TP53BP1: variants seen among roughly 807,000 people sequenced by gnomAD.
TP53BP1 encodes the protein tumor protein p53 binding protein 1.
Under a neutral mutation model 200.8 loss-of-function variants are expected in TP53BP1, and 61 were observed. That is an observed-to-expected ratio of 0.30 (90% confidence interval 0.25 to 0.38). The LOEUF (loss-of-function observed/expected upper bound fraction) is 0.38. TP53BP1 is among the 10% of genes least tolerant of loss of function. The pLI is 1.00. For synonymous variants in TP53BP1, 822 were observed against 844.3 expected (o/e 0.97, Z 0.46); for missense variants, 2,144 against 2,371.9 (o/e 0.90, Z 2.00).
chr15:43,426,678 G>A (rs2045542184), intron 18 of TP53BP1, among the ~76,000 whole-genome samples: 1 of 151,822 alleles, frequency 6.6e-6, no homozygotes, highest in African/African-American at 2.4e-5. Flanking sequence ...TACACGGCCA[G>A]CAGATAGAAT....
intron 11 of TP53BP1, among the ~76,000 whole-genome samples, chr15:43,466,757 C>T (rs1384663932): frequency 6.6e-6 from 1 of 151,980 alleles, no homozygotes; most frequent in Non-Finnish European, 1.5e-5. Context: ...CTCAGGAGGC[C>T]GAGGTGGGAG....
rs1280487265 is a variant in TP53BP1, at chr15:43,441,539, C to T, written c.3085G>A (p.Glu1029Lys). 6.2e-7 allele frequency: 1 copy of T among 1,612,914 alleles called. No individual in the cohort carries two copies. The highest frequency in any genetic ancestry group is 1.3e-5 in the African/African-American group (1 of 74,884). ...AGCTTTGGTTACCTGGCAACAGACT[C>T]AGCAACAGCAGTAGATCCATTTTTT... ...ERKNGSTAVA[E>K]SVASPQKTMS... The change falls in exon 15 of 28, where the codon GAG (glutamate) becomes AAG (lysine). Residue 1029 changes from glutamate (E) to lysine (K), a missense_variant. Glu to Lys is a moderately conservative substitution (Grantham distance 56). Coordinates refer to ENST00000382044, the MANE Select transcript of TP53BP1 (RefSeq NM_001141980.3).
intron 10 of TP53BP1, among the ~76,000 whole-genome samples, chr15:43,473,198 C>G (rs1386744318): frequency 6.6e-6 from 1 of 152,096 alleles, no homozygotes; most frequent in African/African-American, 2.4e-5. Context: ...TGAGCAGTAG[C>G]AAGATTTATT....
chr15:43,415,260 T>G (rs1595524461), intron 23 of TP53BP1: 5 of 312,170 alleles, frequency 1.6e-5, no homozygotes, highest in Non-Finnish European at 2.5e-5. Context: ...CAGGCTGGAG[T>G]GCAATGGTGC....
intron 4 of TP53BP1, among the ~76,000 whole-genome samples, chr15:43,489,985 T>A (rs973270666): frequency 6.6e-6 from 1 of 152,168 alleles, no homozygotes; most frequent in Non-Finnish European, 1.5e-5. Context: ...CAATCACGGC[T>A]GACTGCAGCC....
rs574673843 is a variant in TP53BP1, at chr15:43,482,754, C to T, written c.372-1732G>A. Among the ~76,000 whole-genome samples the T allele has an allele frequency of 2.7e-4, 41 of 151,024 alleles. 1 individual carries two copies. Among genetic ancestry groups the T allele is most frequent in the East Asian group, 3.9e-4 (2 of 5,140 alleles). On this transcript the variant is annotated intron_variant, in intron 4 of 27. Transcript: ENST00000382044. ...CTGCACTCCAGCCTGGGAGACATGGCGAGACTCCGTCTCAAAAAAAAAAAA... is the reference window on the plus strand; with the variant it reads ...CTGCACTCCAGCCTGGGAGACATGGTGAGACTCCGTCTCAAAAAAAAAAAA...
At chr15:43,504,609 A>C (rs976454140) in intron 1 of TP53BP1, among the ~76,000 whole-genome samples, 4 of 152,200 alleles carry the variant, frequency 2.6e-5, no homozygotes, top group African/African-American at 9.7e-5. Context: ...AAATAAATAA[A>C]TCCTTAGATG....
chr15:43,444,723 GTATTAGCTAAAA>G (rs1282628751), intron 14 of TP53BP1, among the ~76,000 whole-genome samples: 1 of 152,144 alleles, frequency 6.6e-6, no homozygotes, highest in African/African-American at 2.4e-5. Flanking sequence ...AGCTAAAAAT[GTATTAGCTAAAA>G]TTACTTTTCT....
intron 11 of TP53BP1, among the ~76,000 whole-genome samples, chr15:43,462,030 A>G (rs1331544825): frequency 2.0e-5 from 3 of 151,462 alleles, no homozygotes; most frequent in South Asian, 2.1e-4. Flanking sequence ...TAATAAACAT[A>G]TATCAAAAAA....
rs559526413 is a variant in TP53BP1 at position 43,490,246 on chromosome 15, C to T, written c.371+1423G>A. On this transcript the variant is annotated intron_variant, in intron 4 of 27. Transcript: ENST00000382044. The stretch of plus-strand genomic sequence containing the variant: ...CTGGTATTACAGGTACCCGCTACCA[C>T]ACCTCGTTAATTTTTGTATTTTTAA... Among the ~76,000 whole-genome samples the T allele has an allele frequency of 9.1e-4, 138 of 152,104 alleles. 1 individual carries two copies. The highest frequency in any genetic ancestry group is 2.2e-3 in the Admixed American group (34 of 15,276).
Position 43,420,723 on chromosome 15 carries a change from C to T in TP53BP1, c.4263G>A (p.Val1421=). 6.2e-7 allele frequency: 1 copy of T among 1,613,114 alleles called. No homozygotes were observed. The highest frequency in any genetic ancestry group is 8.5e-7 in the Non-Finnish European group (1 of 1,179,412). The part of the protein sequence containing the change: ...SRTTGTRETA[V]PGPLGIEDIS... ...TGTCCTCTATGCCCAAGGGGCCAGG[C>T]ACAGCTGTTTCTCTAAAGAGAGATA... is the stretch of plus-strand genomic sequence containing the variant. The change falls in exon 21 of 28, where the codon GTG becomes GTA. Residue 1421 remains valine (V), a synonymous_variant. Transcript: ENST00000382044.
At chr15:43,428,801 TCTA>T (rs1423169597) in intron 17 of TP53BP1, among the ~76,000 whole-genome samples, 1 of 152,326 alleles carries the variant, frequency 6.6e-6, no homozygotes, top group Non-Finnish European at 1.5e-5. Context: ...TATATCTAGT[TCTA>T]CTACAAGAAT....
intron 13 of TP53BP1, chr15:43,446,998 G>A: frequency 2.0e-6 from 1 of 512,812 alleles, no homozygotes; most frequent in Non-Finnish European, 3.9e-6. Context: ...CTGTCAAGCA[G>A]CAGACTGACT....
chr15:43,454,600 C>T (rs987350215), intron 12 of TP53BP1, among the ~76,000 whole-genome samples: 1 of 152,064 alleles, frequency 6.6e-6, no homozygotes, highest in East Asian at 1.9e-4. Context: ...CGACCTCAGG[C>T]GATCTGCTGG....
chr15:43,410,965 G>T (rs1476436912), intron 24 of TP53BP1, among the ~76,000 whole-genome samples: 6 of 152,032 alleles, frequency 3.9e-5, no homozygotes, highest in Admixed American at 3.9e-4. Context: ...AATACAGCAG[G>T]GCTATTTCTC....
intron 14 of TP53BP1, 73 bp downstream of exon 14, chr15:43,446,314 A>G: frequency 6.2e-6 from 7 of 1,132,084 alleles, no homozygotes; most frequent in Non-Finnish European, 9.0e-6. Context: ...ATCAATTATT[A>G]TAACTAGATT....
At chr15:43,454,813 C>A (rs2046256346) in intron 12 of TP53BP1, among the ~76,000 whole-genome samples, 1 of 152,104 alleles carries the variant, frequency 6.6e-6, no homozygotes, top group Non-Finnish European at 1.5e-5. Flanking sequence ...CTCACTGCAA[C>A]CTCTGCCTCT....
intron 13 of TP53BP1, chr15:43,447,142 TTC>T (rs1462081754): frequency 1.9e-5 from 10 of 531,954 alleles, no homozygotes; most frequent in African/African-American, 3.9e-5. Context: ...CTTTTAAGTA[TTC>T]TCTTTCTTTC....
rs1186049429 is a variant in TP53BP1, at chr15:43,455,979, C to T, written c.2629G>A (p.Ala877Thr). The T allele has an allele frequency of 6.2e-7, 1 of 1,614,034 alleles. No homozygotes were observed. Among genetic ancestry groups the T allele is most frequent in the African/African-American group, 1.3e-5 (1 of 74,926 alleles). Residue 877 changes from alanine to threonine, a missense_variant, in exon 12 of 28, where the codon GCA becomes ACA. Coordinates refer to ENST00000382044, the MANE Select transcript of TP53BP1 (RefSeq NM_001141980.3). ...TCTGCATCTGAGCTTAGCTGCTTTG[C>T]ATTAGCCATTTTTGAGTCTTCTGTT... is the stretch of plus-strand genomic sequence containing the variant. ...SLTEDSKMAN[A>T]KQLSSDAEAQ...
Sources: gnomAD v4.1 joint callset for allele counts (sites outside exome capture counted in the v4.1 genomes callset) on GRCh38, gnomAD v4.1.1 for gene constraint, MANE v1.5 for transcripts, NCBI Gene and HGNC (gene_info 2026-07-23, HGNC 2026-07-21) for gene names.